Variants in H6PD observed in about 807,000 individuals in gnomAD.
The protein encoded by H6PD is GDH/6PGL endoplasmic bifunctional protein.
Under a neutral mutation model 61.2 loss-of-function variants are expected in H6PD, and 48 were observed. The observed-to-expected ratio is 0.78, with a 90% CI of 0.62 to 1.00. The LOEUF is 1.00. Among genes scored for constraint, H6PD ranks in the 50% least tolerant of loss-of-function variants. The probability of loss-of-function intolerance (pLI) is 0.00; values close to 1 mark genes in which losing one functional copy is unlikely to be tolerated. For missense variants in H6PD, 1,093 were observed against 1,065.0 expected (o/e 1.03, Z -0.37); for synonymous variants, 480 against 457.9 (o/e 1.05, Z -0.62).
In H6PD at chr1:9,264,614, C is replaced by T. The variant is rs2100406721; in HGVS notation, c.2121C>T (p.Pro707=). The change falls in exon 5 of 5, where the codon CCC becomes CCT. Residue 707 remains proline (P), a synonymous_variant. Coordinates refer to ENST00000377403, the MANE Select transcript of H6PD (RefSeq NM_004285.4). ...GHTASLFPQS[P]TGLDGEQLVV... ...CAGCCTCCCTCTTCCCACAGTCACCCACTGGCCTGGATGGCGAGCAGCTGG... is the reference window on the plus strand; with the variant it reads ...CAGCCTCCCTCTTCCCACAGTCACCTACTGGCCTGGATGGCGAGCAGCTGG... The T allele has an allele frequency of 1.2e-6, 2 of 1,613,146 alleles. No homozygotes were observed. The highest frequency in any genetic ancestry group is 1.7e-6 in the Non-Finnish European group (2 of 1,179,936).
chr1:9,237,165 G>A (rs1640870506), intron 1 of H6PD, among the ~76,000 whole-genome samples: 1 of 151,390 alleles, frequency 6.6e-6, no homozygotes, highest in Non-Finnish European at 1.5e-5. Flanking sequence ...GGTTAGCTCT[G>A]GGACCAGACT....
chr1:9,258,586 G>A (rs1641600940), intron 3 of H6PD, among the ~76,000 whole-genome samples: 1 of 152,028 alleles, frequency 6.6e-6, no homozygotes, highest in Admixed American at 6.6e-5. Context: ...TTATGCTGGT[G>A]TTGTAACATT....
rs747054559 is a variant in H6PD at position 9,244,915 on chromosome 1, T to G, written c.-10-10T>G. On this transcript the variant is annotated splice_polypyrimidine_tract_variant and intron_variant, in intron 1 of 4. Coordinates refer to ENST00000377403, the MANE Select transcript of H6PD (RefSeq NM_004285.4). ...TCCTTGTTCCTCGTCTGTCTCTCTT[T>G]GCACCCCAGGCACCCAGGCATGTGG... 3.1e-6 allele frequency: 5 copies of G among 1,610,320 alleles called. No homozygotes were observed. The Admixed American group carries it at 6.8e-5, about 22-fold the overall frequency.
rs1022221611 is a variant in H6PD, at chr1:9,245,240, C to T, written c.306C>T (p.Phe102=). 2 of 1,614,192 alleles carry T rather than the reference C, an allele frequency of 1.2e-6. No individual in the cohort carries two copies. The highest frequency in any genetic ancestry group is 2.2e-5 in the South Asian group (2 of 91,084). Reference sequence around the variant, plus strand: ...ACTGTGCAGAGCACAAGGATCAGTTCCTGCAGCTGAGCCAGTACCGCCAAC... The same window carrying T: ...ACTGTGCAGAGCACAAGGATCAGTTTCTGCAGCTGAGCCAGTACCGCCAAC... The part of the protein sequence containing the change: ...PSHCAEHKDQ[F]LQLSQYRQLK... Residue 102 remains phenylalanine, a synonymous_variant, in exon 2 of 5, where the codon TTC becomes TTT. Coordinates refer to ENST00000377403, the MANE Select transcript of H6PD (RefSeq NM_004285.4). This position sits in a 1 kb window ranked among gnomAD's most constrained non-coding sequence, Gnocchi z 4.8.
At chr1:9,238,856 T>A (rs1640918896) in intron 1 of H6PD, among the ~76,000 whole-genome samples, 1 of 152,148 alleles carries the variant, frequency 6.6e-6, no homozygotes, top group South Asian at 2.1e-4. Flanking sequence ...GGGAACCTGA[T>A]TTATAGCCTT....
chr1:9,241,542 A>G (rs1640998015), intron 1 of H6PD, among the ~76,000 whole-genome samples: 1 of 152,076 alleles, frequency 6.6e-6, no homozygotes, highest in South Asian at 2.1e-4. Context: ...GACTACAGAC[A>G]TGTGCCACCA....
At chr1:9,246,366 C>G (rs773579686) in intron 2 of H6PD, among the ~76,000 whole-genome samples, 1 of 152,202 alleles carries the variant, frequency 6.6e-6, no homozygotes, top group Non-Finnish European at 1.5e-5. Context: ...ATGGGTTAAC[C>G]TCCTGGGTGA....
intron 3 of H6PD, among the ~76,000 whole-genome samples, chr1:9,253,744 G>C (rs1467449945): frequency 6.6e-6 from 1 of 152,212 alleles, no homozygotes; most frequent in Non-Finnish European, 1.5e-5. Context: ...AGCAGATTTA[G>C]AATGAAAACC....
At chr1:9,239,678 G>C (rs1432415554) in intron 1 of H6PD, among the ~76,000 whole-genome samples, 2 of 152,212 alleles carry the variant, frequency 1.3e-5, no homozygotes, top group Middle Eastern at 3.2e-3. Context: ...CATGGGTCAT[G>C]ATTTGAAGAA....
At chr1:9,239,609 G>T (rs1640939826) in intron 1 of H6PD, among the ~76,000 whole-genome samples, 1 of 152,158 alleles carries the variant, frequency 6.6e-6, no homozygotes, top group Non-Finnish European at 1.5e-5. Context: ...AGTTTCAAAT[G>T]ATCTTTAGTT....
intron 3 of H6PD, among the ~76,000 whole-genome samples, chr1:9,259,870 GTGTTA>G (rs199899135): frequency 0.014 from 2,097 of 149,928 alleles, 53 homozygotes; most frequent in African/African-American, 0.049. Context: ...TGTTACGCCG[GTGTTA>G]TGTTGTTGTT....
intron 1 of H6PD, among the ~76,000 whole-genome samples, chr1:9,244,335 T>TC (rs1315176352): frequency 6.6e-6 from 1 of 152,210 alleles, no homozygotes; most frequent in Non-Finnish European, 1.5e-5. Context: ...ATTGTGCACT[T>TC]ACTAAGGGGT....
chr1:9,248,075 C>G (rs551424612), intron 3 of H6PD, among the ~76,000 whole-genome samples: 2 of 152,344 alleles, frequency 1.3e-5, no homozygotes, highest in East Asian at 3.9e-4. Flanking sequence ...CCCCAGCACT[C>G]AGGCCTGGCG....
chr1:9,252,556 T>C (rs1641400510), intron 3 of H6PD, among the ~76,000 whole-genome samples: 1 of 152,212 alleles, frequency 6.6e-6, no homozygotes, highest in Admixed American at 6.5e-5. Flanking sequence ...TGGTACTTTG[T>C]GAGCTTTTTT....
At chr1:9,257,174 GGT>G (rs1306680005) in intron 3 of H6PD, among the ~76,000 whole-genome samples, 3 of 150,422 alleles carry the variant, frequency 2.0e-5, no homozygotes, top group African/African-American at 7.4e-5. Context: ...GGTCTCATGC[GGT>G]GTTGTCCAGA....
In H6PD at chr1:9,263,753, G is replaced by C. The variant is rs376261710; in HGVS notation, c.1260G>C (p.Arg420Ser). The stretch of plus-strand genomic sequence containing the variant: ...TGCTGGTCAGCAGGAACCTGTTCAG[G>C]CCCTCCCTGCCCTCCAGCTGGAAGG... ...PAVLVSRNLF[R>S]PSLPSSWKEM... Residue 420 changes from arginine (R) to serine (S), a missense_variant, in exon 5 of 5, where the codon AGG (arginine) becomes AGC (serine). Physicochemically the swap from Arg to Ser is moderately radical, Grantham distance 110. Transcript: ENST00000377403. 1 of 1,613,964 alleles carries C rather than the reference G, an allele frequency of 6.2e-7. No homozygotes were observed. The highest frequency in any genetic ancestry group is 8.5e-7 in the Non-Finnish European group (1 of 1,180,030).
chr1:9,262,749 C>G (rs1441735716), intron 4 of H6PD, among the ~76,000 whole-genome samples: 2 of 152,200 alleles, frequency 1.3e-5, no homozygotes, highest in Non-Finnish European at 1.5e-5. Context: ...AGACCCAGGG[C>G]TTTCTGGGAG....
rs1161158397 is a variant in H6PD, at chr1:9,245,682, A to G, written c.627+121A>G. 1.4e-5 allele frequency: 14 copies of G among 1,006,852 alleles called. No individual in the cohort carries two copies. Among genetic ancestry groups the G allele is most frequent in the Admixed American group, 5.9e-5 (3 of 50,890 alleles). 62.4% of individuals were successfully genotyped at this position (1,006,852 alleles called of 1,614,324 possible). On this transcript the variant is annotated intron_variant, in intron 2 of 4. Transcript: ENST00000377403. This position sits in a 1 kb window ranked among gnomAD's most constrained non-coding sequence, Gnocchi z 4.8. The stretch of plus-strand genomic sequence containing the variant: ...AAGGCATTGTGAACTCAGAGCTCCC[A>G]TGGTCTCCTTGAAGGTGGGCAGGAG...
At chr1:9,247,370 A>T (rs557788621) in intron 3 of H6PD, among the ~76,000 whole-genome samples, 2 of 152,216 alleles carry the variant, frequency 1.3e-5, no homozygotes, top group South Asian at 4.1e-4. Flanking sequence ...AGGTCCCCCA[A>T]GTTTTTGAGT....
Sources: allele counts gnomAD v4.1 joint callset (sites outside exome capture counted in the v4.1 genomes callset), GRCh38; gene constraint gnomAD v4.1.1; non-coding constraint Gnocchi (gnomAD v3.1); transcripts MANE v1.5; gene names NCBI Gene and HGNC (gene_info 2026-07-23, HGNC 2026-07-21).